HEPHL1: variants seen among roughly 807,000 people sequenced by gnomAD.
HEPHL1 encodes the protein hephaestin like 1.
In HEPHL1, 123 loss-of-function variants were observed where a neutral mutation model predicts 122.0. That is an observed-to-expected ratio of 1.01 (90% CI 0.87 to 1.17). The LOEUF (loss-of-function observed/expected upper bound fraction) is 1.17, where lower values mean the gene tolerates loss of function less well. Ranked by LOEUF, HEPHL1 falls within the 50% of genes most tolerant of loss-of-function variation. HEPHL1 has a pLI of 0.00. For missense variants in HEPHL1, 1,452 were observed against 1,430.5 expected (o/e 1.01, Z -0.24); for synonymous variants, 527 against 508.9 (o/e 1.04, Z -0.48).
chr11:94,037,442 G>A (rs1410441343), intron 1 of HEPHL1, among the ~76,000 whole-genome samples: 1 of 152,090 alleles, frequency 6.6e-6, no homozygotes, highest in Non-Finnish European at 1.5e-5. Flanking sequence ...AAAGACAGCA[G>A]TAACCTCTGC....
chr11:94,076,616 A>C (rs1363299031), intron 9 of HEPHL1, among the ~76,000 whole-genome samples: 1 of 151,976 alleles, frequency 6.6e-6, no homozygotes, highest in Non-Finnish European at 1.5e-5. Context: ...CATGAAAAAA[A>C]AAAAGTACCC....
chr11:94,079,035 A>T (rs1161395147), intron 9 of HEPHL1, among the ~76,000 whole-genome samples: 1 of 152,158 alleles, frequency 6.6e-6, no homozygotes, highest in African/African-American at 2.4e-5. Flanking sequence ...CTGTCAAGCA[A>T]TGAGGTTCTT....
chr11:94,070,326 T>C (rs1158172482), intron 5 of HEPHL1, 48 bp from the exon 6 acceptor site: 1 of 1,529,402 alleles, frequency 6.5e-7, no homozygotes, highest in Non-Finnish European at 8.8e-7. Flanking sequence ...ATATGATTCC[T>C]TTTGTGATCA....
chr11:94,103,886 A>G (rs1332259918), intron 15 of HEPHL1, among the ~76,000 whole-genome samples: 1 of 152,242 alleles, frequency 6.6e-6, no homozygotes. Context: ...GGGAAAATCC[A>G]AATTTATTTA....
chr11:94,037,571 A>G (rs372023053), intron 1 of HEPHL1, among the ~76,000 whole-genome samples: 1 of 152,134 alleles, frequency 6.6e-6, no homozygotes, highest in Non-Finnish European at 1.5e-5. Context: ...CCTGACCCCC[A>G]AGCAGCCTAA....
At chr11:94,030,216 T>C (rs974673898) in intron 1 of HEPHL1, among the ~76,000 whole-genome samples, 3 of 152,230 alleles carry the variant, frequency 2.0e-5, no homozygotes, top group African/African-American at 7.2e-5. Context: ...GCCACCTTAC[T>C]GGGTGACCCA....
intron 2 of HEPHL1, among the ~76,000 whole-genome samples, chr11:94,054,689 C>T (rs546140193): frequency 2.1e-4 from 32 of 152,314 alleles, no homozygotes; most frequent in Admixed American, 4.6e-4. Flanking sequence ...CTGTTCTTCC[C>T]AGTCCATCAC....
At chr11:94,043,771 A>G (rs968810762) in intron 1 of HEPHL1, among the ~76,000 whole-genome samples, 6 of 151,964 alleles carry the variant, frequency 3.9e-5, no homozygotes, top group African/African-American at 1.5e-4. Flanking sequence ...TCCTTAAGGA[A>G]ACTTCCCCTG....
At chr11:94,102,531 C>T (rs975463596) in intron 14 of HEPHL1, among the ~76,000 whole-genome samples, 2 of 152,330 alleles carry the variant, frequency 1.3e-5, no homozygotes, top group South Asian at 2.1e-4. Context: ...ACAAAGCTCC[C>T]TGGTGACTCC....
intron 1 of HEPHL1, 126 bp from the exon 2 acceptor site, chr11:94,045,547 A>G: frequency 1.3e-6 from 1 of 752,442 alleles, no homozygotes; most frequent in East Asian, 2.7e-5. Flanking sequence ...AGCCCTACAG[A>G]GGTTGCAGCT....
Position 94,045,774 on chromosome 11 carries a change from T to A in HEPHL1, c.272T>A (p.Ile91Asn), listed in dbSNP as rs751694796. ...ACGGATGGAACCTACTCCATAGAGA[T>A]CCCCAAACCTCCCTGGCTTGGATTC... ...RFTDGTYSIE[I>N]PKPPWLGFLG... Residue 91 changes from isoleucine (I) to asparagine (N), a missense_variant, in exon 2 of 20, where the codon ATC (isoleucine) becomes AAC (asparagine). Physicochemically the swap from Ile to Asn is moderately radical, Grantham distance 149. Coordinates refer to ENST00000315765, the MANE Select transcript of HEPHL1 (RefSeq NM_001098672.2). 1 of 1,613,952 alleles carries A rather than the reference T, an allele frequency of 6.2e-7. No individual in the cohort carries two copies. The highest frequency in any genetic ancestry group is 1.1e-5 in the South Asian group (1 of 91,076).
At chr11:94,092,708 C>G (rs909333445) in intron 12 of HEPHL1, among the ~76,000 whole-genome samples, 1 of 151,854 alleles carries the variant, frequency 6.6e-6, no homozygotes, top group South Asian at 2.1e-4. Context: ...CTGTTGAGCT[C>G]AGTGTTAATG....
In HEPHL1 at chr11:94,064,381, G is replaced by T. The variant is rs776170813; in HGVS notation, c.679G>T (p.Val227Phe). 10 of 1,613,202 alleles carry T rather than the reference G, an allele frequency of 6.2e-6. No individual in the cohort carries two copies. Among genetic ancestry groups the T allele is most frequent in the Non-Finnish European group, 8.5e-6 (10 of 1,179,430 alleles). The change falls in exon 4 of 20, where the codon GTT becomes TTT. Residue 227 changes from valine (V) to phenylalanine (F), a missense_variant. Val to Phe is a conservative substitution (Grantham distance 50). Transcript: ENST00000315765. Reference protein sequence around the residue: ...GTRNDVDREFVIMFTLVDENQ... With the variant: ...GTRNDVDREFFIMFTLVDENQ... Reference sequence around the variant, plus strand: ...ACGGAATGATGTGGATCGAGAGTTTGTTATAATGTTTACTCTTGTGGATGA... The same window carrying T: ...ACGGAATGATGTGGATCGAGAGTTTTTTATAATGTTTACTCTTGTGGATGA...
intron 18 of HEPHL1, 93 bp from the exon 19 acceptor site, chr11:94,111,444 A>ATAAG (rs1946447839): frequency 1.0e-6 from 1 of 973,034 alleles, no homozygotes; most frequent in Admixed American, 2.0e-5. Context: ...TACTGATGGG[A>ATAAG]TAAGTCCTCG....
chr11:94,081,676 C>T (rs1214057937), intron 9 of HEPHL1, among the ~76,000 whole-genome samples: 1 of 152,064 alleles, frequency 6.6e-6, no homozygotes, highest in African/African-American at 2.4e-5. Context: ...AAAATGTATA[C>T]TTGATGCCTG....
rs1479108734 is a variant in HEPHL1, at chr11:94,102,911, C to T, written c.2576-3C>T. The T allele has an allele frequency of 1.4e-6, 2 of 1,472,872 alleles. No homozygotes were observed. The highest frequency in any genetic ancestry group is 2.8e-5 in the African/African-American group (2 of 71,872). 91.2% of individuals were successfully genotyped at this position (1,472,872 alleles called of 1,614,324 possible). Reference sequence around the variant, plus strand: ...TAAATTTTTTCCATTTCATTTATTACAGGAGAAGTAAAAACTTATAGATGG... The same window carrying T: ...TAAATTTTTTCCATTTCATTTATTATAGGAGAAGTAAAAACTTATAGATGG... On this transcript the variant is annotated splice_region_variant and splice_polypyrimidine_tract_variant and intron_variant, in intron 14 of 19. Transcript: ENST00000315765.
At chr11:94,051,248 T>C (rs1165813100) in intron 2 of HEPHL1, among the ~76,000 whole-genome samples, 1 of 152,172 alleles carries the variant, frequency 6.6e-6, no homozygotes, top group Admixed American at 6.5e-5. Context: ...CTAGTGGTTG[T>C]ACTAATTTAC....
At position 94,021,402 on chromosome 11, in the gene HEPHL1, C is replaced by T. The variant is rs760334074; in HGVS notation, c.34C>T (p.Leu12Phe). 6.2e-7 allele frequency: 1 copy of T among 1,613,362 alleles called. No homozygotes were observed. The highest frequency in any genetic ancestry group is 1.7e-5 in the Admixed American group (1 of 59,932). Residue 12 changes from leucine (L) to phenylalanine (F), a missense_variant, in exon 1 of 20, where the codon CTC (leucine) becomes TTC (phenylalanine). Leu to Phe is a conservative substitution (Grantham distance 22). Transcript: ENST00000315765. ...GAAGCAGCCAGCTGGCTGCATCTTT[C>T]TCCTCACATTCCTGGGTCTGTCTGG... ...PRKQPAGCIF[L>F]LTFLGLSGLV...
chr11:94,027,122 C>A (rs1006173979), intron 1 of HEPHL1, among the ~76,000 whole-genome samples: 7 of 152,140 alleles, frequency 4.6e-5, no homozygotes, highest in African/African-American at 1.7e-4. Flanking sequence ...TTGGCTGTGG[C>A]TGCATCACTC....
Sources: allele counts gnomAD v4.1 joint callset (sites outside exome capture counted in the v4.1 genomes callset), GRCh38; gene constraint gnomAD v4.1.1; transcripts MANE v1.5; gene names NCBI Gene and HGNC (gene_info 2026-07-23, HGNC 2026-07-21).